TRRAP: variants seen among roughly 807,000 people sequenced by gnomAD.
The protein encoded by TRRAP is transformation/transcription domain associated protein, also known as transformation/transcription domain-associated protein.
TRRAP carries 41 observed loss-of-function variants against 438.8 expected under a neutral mutation model. The ratio of observed to expected loss-of-function variants is 0.09; its 90% CI spans 0.07 to 0.12. TRRAP has a LOEUF of 0.12. Ranked by LOEUF, TRRAP falls within the 10% of genes least tolerant of loss-of-function variation. TRRAP has a pLI of 1.00. For missense variants in TRRAP, 3,122 were observed against 5,055.1 expected, an observed-to-expected ratio of 0.62 and a Z score of 11.60; for synonymous variants, 1,994 against 1,962.9, an observed-to-expected ratio of 1.02 and a Z score of -0.42.
intron 69 of TRRAP, among the ~76,000 whole-genome samples, chr7:99,006,258 T>C (rs562573686): frequency 1.3e-5 from 2 of 152,250 alleles, no homozygotes; most frequent in African/African-American, 2.4e-5. Flanking sequence ...CGCTGCAATG[T>C]ATGTTATCTA....
chr7:98,960,405 G>A (rs1192037796), intron 45 of TRRAP, among the ~76,000 whole-genome samples: 1 of 152,158 alleles, frequency 6.6e-6, no homozygotes, highest in Non-Finnish European at 1.5e-5. Context: ...GCAAGCACTT[G>A]TTATTCTGGA....
chr7:98,965,543 A>T, intron 48 of TRRAP, 153 bp from the exon 49 acceptor site: 1 of 998,346 alleles, frequency 1.0e-6, no homozygotes. Context: ...ACGTAAGAAC[A>T]TATGAGTGCT....
chr7:98,930,065 G>T lies in TRRAP; in HGVS notation c.3252G>T (p.Ser1084=). 1 of 1,614,148 alleles carries T rather than the reference G, an allele frequency of 6.2e-7. No homozygotes were observed. The highest frequency in any genetic ancestry group is 8.5e-7 in the Non-Finnish European group (1 of 1,180,036). ...TGTTTCACAGTGAAGAAAATGGCTCGAAAGGAATGGATCCTTTGGTTCTCA... is the reference window on the plus strand; with the variant it reads ...TGTTTCACAGTGAAGAAAATGGCTCTAAAGGAATGGATCCTTTGGTTCTCA... The part of the protein sequence containing the change: ...TAMFHSEENG[S]KGMDPLVLID... Residue 1084 remains serine, a synonymous_variant, in exon 24 of 73, where the codon TCG becomes TCT. Transcript: ENST00000456197.
chr7:98,978,859 C>T lies in TRRAP; in HGVS notation c.8589C>T (p.Ala2863=). ...ACCCCTACCTCGTCCTGGAGTGCGC[C>T]TGGCGGGTGTCCAACTGGACTGCCA... is the stretch of plus-strand genomic sequence containing the variant. ...HINPYLVLEC[A]WRVSNWTAMK... Residue 2863 remains alanine, a synonymous_variant, in exon 58 of 73, where the codon GCC becomes GCT. Coordinates refer to ENST00000456197, the MANE Select transcript of TRRAP (RefSeq NM_001375524.1). 6.2e-7 allele frequency: 1 copy of T among 1,614,192 alleles called. No individual in the cohort carries two copies. The highest frequency in any genetic ancestry group is 8.5e-7 in the Non-Finnish European group (1 of 1,180,040).
intron 26 of TRRAP, 56 bp from the exon 27 acceptor site, chr7:98,933,185 G>A: frequency 6.6e-7 from 1 of 1,515,674 alleles, no homozygotes; most frequent in African/African-American, 1.4e-5. Context: ...TTTTTAAAAA[G>A]TGTTTGTGTC....
Position 98,910,229 on chromosome 7 carries a change from A to ACCCCCG in TRRAP, c.1530_1535dup (p.Pro514_Pro515dup). 2 of 372,702 alleles carry ACCCCCG rather than the reference A, an allele frequency of 5.4e-6. No homozygotes were observed. 23.1% of individuals were successfully genotyped at this position (372,702 alleles called of 1,614,324 possible). A position where few individuals can be genotyped will look rare whatever the true frequency, so the allele number is the denominator to read the frequency against. On this transcript the variant is annotated inframe_insertion, in exon 15 of 73. Transcript: ENST00000456197. ...CAGCCCCTGTCCCTGCCCCACCTCC[A>ACCCCCG]CCCCCGCCCCCACCCCCACCTGCCA...
At chr7:98,886,185 G>A (rs1416028540) in intron 3 of TRRAP, among the ~76,000 whole-genome samples, 1 of 152,214 alleles carries the variant, frequency 6.6e-6, no homozygotes, top group Non-Finnish European at 1.5e-5. Flanking sequence ...CAGCTACTGG[G>A]AAGGCTGAGG....
At chr7:98,931,269 G>A in intron 25 of TRRAP, 136 bp from the exon 26 acceptor site, 2 of 1,312,210 alleles carry the variant, frequency 1.5e-6, no homozygotes, top group South Asian at 2.9e-5. Context: ...GTGCCGTGAA[G>A]TCACCTCATT....
chr7:98,955,550 G>A (rs1180918684), intron 41 of TRRAP, among the ~76,000 whole-genome samples: 8 of 152,188 alleles, frequency 5.3e-5, no homozygotes, highest in African/African-American at 1.9e-4. Context: ...TAAGTACTGT[G>A]CCCAGTTAAC....
At position 98,976,370 on chromosome 7, in the gene TRRAP, G is replaced by A. The variant is rs187849733; in HGVS notation, c.7959+102G>A. 1.1e-3 allele frequency: 1,671 copies of A among 1,573,898 alleles called. 10 individuals are homozygous for A. The African/African-American group carries it at 0.016, about 15-fold the overall frequency. ...CTCGAACAAGTTTCAGAAAATGAGG[G>A]AACCGCTGGCTGTCACTCGAGCGAA... On this transcript the variant is annotated intron_variant, in intron 54 of 72. Transcript: ENST00000456197. The surrounding 1 kb of genome is among the most constrained non-coding windows in gnomAD (Gnocchi z 4.6).
Position 99,008,369 on chromosome 7 carries a change from C to T in TRRAP, c.10754-8C>T. On this transcript the variant is annotated splice_polypyrimidine_tract_variant and splice_region_variant and intron_variant, in intron 69 of 72. Transcript: ENST00000456197. ...CAGCCTGCCCCGTTTCTCTTCCTCT[C>T]TCCCCAGTGCCCCGGGTTGTGGCAG... 1.9e-6 allele frequency: 3 copies of T among 1,613,234 alleles called. No homozygotes were observed. Among genetic ancestry groups the T allele is most frequent in the Non-Finnish European group, 2.5e-6 (3 of 1,179,446 alleles).
At chr7:98,895,913 G>C (rs139162716) in intron 7 of TRRAP, 93 bp downstream of exon 7, 1 of 960,076 alleles carries the variant, frequency 1.0e-6, no homozygotes, top group Non-Finnish European at 1.5e-6. Context: ...GAAATAGTGT[G>C]TGGGGAGGGT....
At position 98,933,333 on chromosome 7, in the gene TRRAP, T is replaced by G. The variant is rs781912458; in HGVS notation, c.3945T>G (p.Cys1315Trp). The G allele has an allele frequency of 6.2e-7, 1 of 1,614,208 alleles. No individual in the cohort carries two copies. The highest frequency in any genetic ancestry group is 8.5e-7 in the Non-Finnish European group (1 of 1,180,046). Residue 1315 changes from cysteine to tryptophan, a missense_variant, in exon 27 of 73, where the codon TGT (cysteine) becomes TGG (tryptophan). Around this residue, in one of 24 missense-constraint regions of TRRAP, gnomAD observed 84 missense variants for 119.8 expected, o/e 0.70. Transcript: ENST00000456197. The part of the protein sequence containing the change: ...QIGLMEGNTF[C>W]TTLQPRLFTM... ...GCCTGATGGAGGGGAACACGTTCTG[T>G]ACCACGTTGCAGCCCAGGCTCTTCA...
intron 6 of TRRAP, among the ~76,000 whole-genome samples, chr7:98,895,177 A>C (rs1796144947): frequency 6.6e-6 from 1 of 152,310 alleles, no homozygotes; most frequent in Non-Finnish European, 1.5e-5. Flanking sequence ...AAGTGTCAGG[A>C]TTGTAGGCAT....
chr7:98,924,959 C>A (rs561708325), intron 21 of TRRAP, among the ~76,000 whole-genome samples, 153 bp from the exon 22 acceptor site: 1 of 149,374 alleles, frequency 6.7e-6, no homozygotes, highest in Non-Finnish European at 1.5e-5. Flanking sequence ...ACCTGAGATA[C>A]GCGCCACTGC....
intron 33 of TRRAP, among the ~76,000 whole-genome samples, chr7:98,947,805 G>A (rs1473017545): frequency 3.3e-5 from 5 of 152,204 alleles, no homozygotes; most frequent in African/African-American, 9.7e-5. Flanking sequence ...AACTTAGTGT[G>A]TTGAGAGGAC....
intron 65 of TRRAP, among the ~76,000 whole-genome samples, chr7:98,992,596 A>G (rs1175345695): frequency 4.0e-5 from 6 of 150,994 alleles, no homozygotes; most frequent in Non-Finnish European, 8.8e-5. Flanking sequence ...TGTTTAAGTT[A>G]TGAGGAGTAT....
At chr7:98,897,671 G>GTTT in intron 7 of TRRAP, 70 bp from the exon 8 acceptor site, 5 of 1,455,168 alleles carry the variant, frequency 3.4e-6, no homozygotes, top group East Asian at 2.4e-5. Flanking sequence ...GTTTTGTTTT[G>GTTT]TTTTGTTTTG....
intron 69 of TRRAP, among the ~76,000 whole-genome samples, 185 bp from the exon 70 acceptor site, chr7:99,008,192 G>C (rs191342707): frequency 2.8e-4 from 42 of 152,308 alleles, no homozygotes; most frequent in South Asian, 2.3e-3. Context: ...ATCAGTTCGT[G>C]CCGTCAGAGC....
Sources: allele counts gnomAD v4.1 joint callset (sites outside exome capture counted in the v4.1 genomes callset), GRCh38; gene constraint gnomAD v4.1.1; regional missense constraint gnomAD v4.1.1; non-coding constraint Gnocchi (gnomAD v3.1); transcripts MANE v1.5; gene names NCBI Gene and HGNC (gene_info 2026-07-23, HGNC 2026-07-21).